AGMO: variants seen among roughly 807,000 people sequenced by gnomAD.
The protein encoded by AGMO is alkylglycerol monooxygenase.
A neutral mutation model predicts 60.2 loss-of-function variants in AGMO; 75 were observed. The observed-to-expected ratio is 1.25, with a 90% CI of 1.03 to 1.51. The LOEUF (loss-of-function observed/expected upper bound fraction) is 1.51, where lower values mean the gene tolerates loss of function less well. Ranked by LOEUF, AGMO falls within the 40% of genes most tolerant of loss-of-function variation. AGMO has a pLI of 0.00. For missense variants in AGMO, 763 were observed against 525.5 expected (o/e 1.45, Z -4.42); for synonymous variants, 261 against 177.1 (o/e 1.47, Z -3.76).
intron 1 of AGMO, among the ~76,000 whole-genome samples, chr7:15,560,840 A>T (rs1173675194): frequency 6.6e-6 from 1 of 152,142 alleles, no homozygotes; most frequent in Admixed American, 6.6e-5. Context: ...ACATAATAAG[A>T]GATGTTTTGA....
In AGMO at chr7:15,551,050, G is replaced by A. The variant is rs374364379; in HGVS notation, c.258-6127C>T. On this transcript the variant is annotated intron_variant, in intron 2 of 12. Coordinates refer to ENST00000342526, the MANE Select transcript of AGMO (RefSeq NM_001004320.2). ...ATAAATGTAATCCAGCATATAAACA[G>A]AGCCAAAGACAAAAACCACATGATT... Among the ~76,000 whole-genome samples the A allele has an allele frequency of 2.8e-4, 42 of 151,044 alleles. No homozygotes were observed. In the East Asian group the frequency reaches 6.5e-3, roughly 23 times the overall value.
chr7:15,167,150 T>A, the AGMO span, among the ~76,000 whole-genome samples: 1 of 152,278 alleles, frequency 6.6e-6, no homozygotes, highest in South Asian at 2.1e-4. Context: ...TTTATAGAAA[T>A]TAAAACAATG....
At chr7:15,354,451 T>TATA (rs1190435269) in intron 12 of AGMO, among the ~76,000 whole-genome samples, 5 of 21,150 alleles carry the variant, frequency 2.4e-4, no homozygotes, top group African/African-American at 1.5e-3. Context: ...CACACGTGTG[T>TATA]GTATACACAC....
At chr7:15,176,424 A>G in the AGMO span, among the ~76,000 whole-genome samples, 2 of 151,922 alleles carry the variant, frequency 1.3e-5, no homozygotes, top group Admixed American at 6.6e-5. Context: ...TCTTCTTTGC[A>G]ATCAGAAAGG....
chr7:15,306,291 G>C (rs1343599245), intron 12 of AGMO: 2 of 249,840 alleles, frequency 8.0e-6, no homozygotes, highest in Non-Finnish European at 1.6e-5. Context: ...AAAGGGTTTT[G>C]AATTTCAATG....
At chr7:15,394,044 G>A (rs1784262704) in intron 6 of AGMO, 69 bp downstream of exon 6, 3 of 1,166,840 alleles carry the variant, frequency 2.6e-6, no homozygotes, top group Non-Finnish European at 3.8e-6. Context: ...GATTAAATGA[G>A]ATTAAGGAAA....
intron 5 of AGMO, among the ~76,000 whole-genome samples, chr7:15,406,829 C>T (rs1313412160): frequency 2.7e-5 from 3 of 109,762 alleles, no homozygotes; most frequent in Admixed American, 9.2e-5. Context: ...CCCACGTATA[C>T]ACATATATGT....
chr7:15,504,733 T>C (rs1356030280), intron 3 of AGMO, among the ~76,000 whole-genome samples: 2 of 143,942 alleles, frequency 1.4e-5, no homozygotes, highest in East Asian at 2.0e-4. Context: ...CAGACAGGGT[T>C]AAAAAAAAAA....
chr7:15,496,867 T>C (rs1181679059), intron 3 of AGMO, among the ~76,000 whole-genome samples: 1 of 152,158 alleles, frequency 6.6e-6, no homozygotes, highest in East Asian at 1.9e-4. Context: ...TTATCAATTA[T>C]TGAGCAGATT....
rs750170734 is a variant in AGMO at position 15,390,757 on chromosome 7, G to A, written c.743-7C>T. ...TTTTCTGCTTCAAATGTCCCTGGAA[G>A]ATAAATATAAAGATATGAGATTTGG... On this transcript the variant is annotated splice_polypyrimidine_tract_variant and splice_region_variant and intron_variant, in intron 7 of 12. Coordinates refer to ENST00000342526, the MANE Select transcript of AGMO (RefSeq NM_001004320.2). 6 of 1,604,676 alleles carry A rather than the reference G, an allele frequency of 3.7e-6. No individual in the cohort carries two copies. Among genetic ancestry groups the A allele is most frequent in the East Asian group, 2.2e-5 (1 of 44,636 alleles).
rs556765845 is a variant in AGMO at position 15,310,004 on chromosome 7, T to C, written c.1263+55510A>G. Reference sequence around the variant, plus strand: ...AATTTTATGATGAAAAAATATATCATATTCTGTCTGGAAGGAAATATTTGC... The same window carrying C: ...AATTTTATGATGAAAAAATATATCACATTCTGTCTGGAAGGAAATATTTGC... On this transcript the variant is annotated intron_variant, in intron 12 of 12. Coordinates refer to ENST00000342526, the MANE Select transcript of AGMO (RefSeq NM_001004320.2). Among the ~76,000 whole-genome samples, 6 of 152,268 alleles carry C rather than the reference T, an allele frequency of 3.9e-5. No individual in the cohort carries two copies. The South Asian group carries it at 1.2e-3, about 32-fold the overall frequency.
At chr7:15,361,955 A>G (rs1782783775) in intron 12 of AGMO, among the ~76,000 whole-genome samples, 1 of 152,174 alleles carries the variant, frequency 6.6e-6, no homozygotes, top group South Asian at 2.1e-4. Flanking sequence ...ATTGATTTAT[A>G]TTATAGGAGA....
chr7:15,143,399 G>C, the AGMO span, among the ~76,000 whole-genome samples: 1 of 152,128 alleles, frequency 6.6e-6, no homozygotes, highest in Non-Finnish European at 1.5e-5. Context: ...AATAGATATG[G>C]CTAGATTTCT....
rs369274199 is a variant in AGMO, at chr7:15,459,237, T to A, written c.410-28129A>T. On this transcript the variant is annotated intron_variant, in intron 3 of 12. Coordinates refer to ENST00000342526, the MANE Select transcript of AGMO (RefSeq NM_001004320.2). Reference sequence around the variant, plus strand: ...AGCCAATTCAAATAAAATCACCCAATGAGTTGTTTTGAGTGAAAACTGTTT... The same window carrying A: ...AGCCAATTCAAATAAAATCACCCAAAGAGTTGTTTTGAGTGAAAACTGTTT... Among the ~76,000 whole-genome samples the A allele has an allele frequency of 2.6e-4, 40 of 152,288 alleles. 1 individual carries two copies. The highest frequency in any genetic ancestry group is 1.9e-3 in the East Asian group (10 of 5,178).
chr7:15,355,149 CAAG>C (rs1428054505), intron 12 of AGMO, among the ~76,000 whole-genome samples: 2 of 151,950 alleles, frequency 1.3e-5, no homozygotes, highest in Non-Finnish European at 2.9e-5. Context: ...CTCCCCTATA[CAAG>C]AATAGAGAAA....
chr7:15,227,418 A>G (rs1416210849), intron 12 of AGMO, among the ~76,000 whole-genome samples: 1 of 152,006 alleles, frequency 6.6e-6, no homozygotes, highest in East Asian at 1.9e-4. Context: ...GAGTTAAACA[A>G]ACAAATATAT....
the AGMO span, among the ~76,000 whole-genome samples, chr7:15,135,979 C>CTTTTTTTTTTTTTTTTTTTTTG: frequency 1.9e-5 from 2 of 106,870 alleles, no homozygotes; most frequent in East Asian, 2.9e-4. Flanking sequence ...TTTTTCTTTT[C>CTTTTTTTTTTTTTTTTTTTTTG]TTTTTTTTTT....
chr7:15,369,222 G>T (rs1477239710), intron 10 of AGMO, among the ~76,000 whole-genome samples: 1 of 151,848 alleles, frequency 6.6e-6, no homozygotes, highest in Non-Finnish European at 1.5e-5. Context: ...TCCCCTAACT[G>T]GTCTTCCTAC....
chr7:15,323,565 T>G (rs1288325798), intron 12 of AGMO, among the ~76,000 whole-genome samples: 1 of 152,158 alleles, frequency 6.6e-6, no homozygotes, highest in Non-Finnish European at 1.5e-5. Context: ...TGCTAAAATT[T>G]TATCTAGGTA....
Sources: gnomAD v4.1 joint callset for allele counts (sites outside exome capture counted in the v4.1 genomes callset) on GRCh38, gnomAD v4.1.1 for gene constraint, MANE v1.5 for transcripts, NCBI Gene and HGNC (gene_info 2026-07-23, HGNC 2026-07-21) for gene names.